Variants in CSMD1 observed in about 807,000 individuals in gnomAD.
CSMD1 encodes the protein CUB and Sushi multiple domains 1.
CSMD1 carries 213 observed loss-of-function variants against 417.5 expected under a neutral mutation model. The ratio of observed to expected loss-of-function variants is 0.51; its 90% CI spans 0.46 to 0.57. The LOEUF (loss-of-function observed/expected upper bound fraction) is 0.57. CSMD1 is among the 20% of genes least tolerant of loss of function. The pLI is 0.00. For missense variants in CSMD1, 6,923 were observed against 4,529.7 expected, an observed-to-expected ratio of 1.53 and a Z score of -15.17; for synonymous variants, 2,862 against 1,736.8, an observed-to-expected ratio of 1.65 and a Z score of -16.11.
At chr8:4,009,343 C>T (rs574052349) in intron 4 of CSMD1, among the ~76,000 whole-genome samples, 28 of 152,186 alleles carry the variant, frequency 1.8e-4, no homozygotes, top group Admixed American at 6.5e-4. Context: ...ATCTATCTTA[C>T]GGACATAATT....
intron 2 of CSMD1, among the ~76,000 whole-genome samples, chr8:4,624,925 C>T (rs1422392265): frequency 6.6e-6 from 1 of 152,110 alleles, no homozygotes; most frequent in Non-Finnish European, 1.5e-5. Context: ...TTAAAGTGTG[C>T]TCCTGGTAGA....
At chr8:3,450,434 T>C (rs539368471) in intron 12 of CSMD1, among the ~76,000 whole-genome samples, 29 of 152,144 alleles carry the variant, frequency 1.9e-4, no homozygotes, top group Non-Finnish European at 2.9e-4. Flanking sequence ...TAGCATTAGG[T>C]ATATCTCCTA....
intron 3 of CSMD1, among the ~76,000 whole-genome samples, chr8:4,328,029 G>C (rs1358488716): frequency 2.6e-5 from 4 of 152,102 alleles, no homozygotes; most frequent in Non-Finnish European, 5.9e-5. Flanking sequence ...GAGGTACTTA[G>C]CGTCAGTTAT....
At chr8:3,178,550 C>A (rs1821084533) in intron 37 of CSMD1, among the ~76,000 whole-genome samples, 1 of 152,154 alleles carries the variant, frequency 6.6e-6, no homozygotes, top group African/African-American at 2.4e-5. Flanking sequence ...TCATGCCTGC[C>A]TCTGCATGCC....
At chr8:4,687,583 T>C (rs1379097038) in intron 1 of CSMD1, among the ~76,000 whole-genome samples, 2 of 152,162 alleles carry the variant, frequency 1.3e-5, no homozygotes, top group Non-Finnish European at 2.9e-5. Flanking sequence ...ATCACAAGAA[T>C]TTAACAAGAA....
intron 5 of CSMD1, among the ~76,000 whole-genome samples, chr8:3,803,252 A>T (rs4545130): frequency 6.6e-6 from 1 of 152,018 alleles, no homozygotes; most frequent in South Asian, 2.1e-4. Context: ...GCTTGGCATA[A>T]AGTCAGGAAC....
At chr8:4,190,487 C>T (rs7007410) in intron 3 of CSMD1, among the ~76,000 whole-genome samples, 112,321 of 151,398 alleles carry the variant, frequency 0.74, 42,649 homozygotes, top group South Asian at 0.86. Flanking sequence ...CGTAAGTTAA[C>T]CAAGTAAAAT....
At chr8:4,787,593 T>C (rs1406906298) in intron 1 of CSMD1, 3 of 1,540,604 alleles carry the variant, frequency 1.9e-6, no homozygotes, top group Non-Finnish European at 2.7e-6. Flanking sequence ...TGCGAAATGA[T>C]TCCAATTGAA....
At chr8:3,212,709 TA>T (rs1272598389) in intron 30 of CSMD1, among the ~76,000 whole-genome samples, 1 of 152,140 alleles carries the variant, frequency 6.6e-6, no homozygotes, top group Non-Finnish European at 1.5e-5. Flanking sequence ...TACACTTCTT[TA>T]ACTTAAAAGG....
intron 26 of CSMD1, among the ~76,000 whole-genome samples, chr8:3,259,597 T>G (rs1005797898): frequency 1.3e-5 from 2 of 152,242 alleles, no homozygotes; most frequent in South Asian, 4.1e-4. Flanking sequence ...ATGATGTGTC[T>G]TTTCTCATTT....
At chr8:4,214,945 C>T (rs938322732) in intron 3 of CSMD1, among the ~76,000 whole-genome samples, 3 of 152,004 alleles carry the variant, frequency 2.0e-5, no homozygotes, top group Admixed American at 6.6e-5. Context: ...TGAGCACAAA[C>T]GAAGCTCACT....
At position 3,289,949 on chromosome 8, in the gene CSMD1, T is replaced by C. The variant is rs1261348714; in HGVS notation, c.3951-5603A>G. ...TGTTTAGGTTTTCTTCTAGGGTTTT[T>C]ATAGTATTAGGTCTAACATTTAAGT... On this transcript the variant is annotated intron_variant, in intron 25 of 69. Coordinates refer to ENST00000635120, the MANE Select transcript of CSMD1 (RefSeq NM_033225.6). Among the ~76,000 whole-genome samples, 4 of 147,704 alleles carry C rather than the reference T, an allele frequency of 2.7e-5. 2 individuals are homozygous for C. The highest frequency in any genetic ancestry group is 1.1e-4 in the African/African-American group (4 of 37,368).
chr8:4,098,660 C>T (rs868358753), intron 3 of CSMD1, among the ~76,000 whole-genome samples: 1 of 152,154 alleles, frequency 6.6e-6, no homozygotes, highest in South Asian at 2.1e-4. Context: ...GTTTTTAATT[C>T]TTCACTGTCT....
chr8:3,015,546 A>T (rs1445430829), intron 52 of CSMD1, among the ~76,000 whole-genome samples: 1 of 151,990 alleles, frequency 6.6e-6, no homozygotes, highest in African/African-American at 2.4e-5. Context: ...ATGAATACCC[A>T]TCTCATAACA....
intron 52 of CSMD1, among the ~76,000 whole-genome samples, chr8:3,006,614 T>C (rs1370814351): frequency 3.3e-5 from 5 of 150,712 alleles, no homozygotes; most frequent in East Asian, 2.0e-4. Flanking sequence ...TCAGAAATAA[T>C]GCCGCATATC....
intron 1 of CSMD1, among the ~76,000 whole-genome samples, chr8:4,840,278 A>G (rs968227475): frequency 1.4e-5 from 1 of 71,044 alleles, no homozygotes; most frequent in African/African-American, 4.2e-5. Flanking sequence ...TTCCTGCTTT[A>G]AGATGTTTTG....
At chr8:3,085,100 G>C (rs754795910) in intron 49 of CSMD1, among the ~76,000 whole-genome samples, 2 of 151,854 alleles carry the variant, frequency 1.3e-5, no homozygotes, top group Non-Finnish European at 2.9e-5. Context: ...ATTTCTTCTG[G>C]CAAGGAAAAT....
At chr8:4,075,297 A>T (rs1048915728) in intron 3 of CSMD1, among the ~76,000 whole-genome samples, 5 of 152,330 alleles carry the variant, frequency 3.3e-5, no homozygotes, top group Middle Eastern at 3.4e-3. Context: ...ATATATGTTT[A>T]TGTAAATAAA....
chr8:3,655,226 G>A (rs1248181348), intron 7 of CSMD1, among the ~76,000 whole-genome samples: 6 of 151,964 alleles, frequency 3.9e-5, no homozygotes, highest in African/African-American at 1.5e-4. Context: ...CATCTAAAAC[G>A]TCAAGGTTTT....
Sources: gnomAD v4.1 joint callset for allele counts (sites outside exome capture counted in the v4.1 genomes callset) on GRCh38, gnomAD v4.1.1 for gene constraint, MANE v1.5 for transcripts, NCBI Gene and HGNC (gene_info 2026-07-23, HGNC 2026-07-21) for gene names.